RAB3C: variants seen among roughly 807,000 people sequenced by gnomAD.
The protein encoded by RAB3C is RAB3C, member RAS oncogene family, also known as ras-related protein Rab-3C.
RAB3C carries 17 observed loss-of-function variants against 26.4 expected under a neutral mutation model. The observed-to-expected ratio is 0.64, with a 90% confidence interval of 0.44 to 0.97. RAB3C has a LOEUF of 0.97. Among genes scored for constraint, RAB3C ranks in the 50% least tolerant of loss-of-function variants. The pLI is 0.00. For synonymous variants in RAB3C, 91 were observed against 95.9 expected, an observed-to-expected ratio of 0.95 and a Z score of 0.30; for missense variants, 242 against 281.9, an observed-to-expected ratio of 0.86 and a Z score of 1.01.
intron 4 of RAB3C, among the ~76,000 whole-genome samples, chr5:58,843,754 G>C (rs538148543): frequency 6.6e-6 from 1 of 152,094 alleles, no homozygotes; most frequent in Non-Finnish European, 1.5e-5. Context: ...ACGATATTTT[G>C]TGAAATTCCA....
intron 2 of RAB3C, among the ~76,000 whole-genome samples, chr5:58,625,999 G>A (rs972328668): frequency 3.9e-5 from 6 of 152,036 alleles, no homozygotes; most frequent in Admixed American, 1.3e-4. Context: ...CTTCTAATAT[G>A]TGCTGCACAT....
intron 1 of RAB3C, among the ~76,000 whole-genome samples, chr5:58,594,974 G>A (rs1211582547): frequency 6.6e-6 from 1 of 151,342 alleles, no homozygotes; most frequent in Non-Finnish European, 1.5e-5. Flanking sequence ...TTCTCCTCAG[G>A]AAGAGGTATT....
chr5:58,696,496 G>T (rs1748703374), intron 2 of RAB3C, among the ~76,000 whole-genome samples: 1 of 152,212 alleles, frequency 6.6e-6, no homozygotes, highest in African/African-American at 2.4e-5. Flanking sequence ...AGAAGGAATA[G>T]TACCAGCTCT....
At chr5:58,794,623 T>C (rs2112018421) in intron 3 of RAB3C, 1 of 152,300 alleles carries the variant, frequency 6.6e-6, no homozygotes, top group Middle Eastern at 3.4e-3. Context: ...GAATCACTGT[T>C]TTTAATTATT....
rs148325764 is a variant in RAB3C, at chr5:58,753,815, G to A, written c.371+27695G>A. 1.1e-3 allele frequency among the ~76,000 whole-genome samples: 163 copies of A among 152,284 alleles called. 2 individuals are homozygous for A. In the East Asian group the frequency reaches 0.023, roughly 21 times the overall value. ...ATGAAATGGCTGTCTCAGGGCAGACGGGACAGTTGTATACAAGGAGACCTG... is the reference window on the plus strand; with the variant it reads ...ATGAAATGGCTGTCTCAGGGCAGACAGGACAGTTGTATACAAGGAGACCTG... On this transcript the variant is annotated intron_variant, in intron 3 of 4. Transcript: ENST00000282878.
chr5:58,639,255 T>G (rs975569061), intron 2 of RAB3C, among the ~76,000 whole-genome samples: 14 of 152,250 alleles, frequency 9.2e-5, no homozygotes, highest in Non-Finnish European at 1.8e-4. Flanking sequence ...ACCTTGATTT[T>G]TTTTAAAGAT....
intron 2 of RAB3C, among the ~76,000 whole-genome samples, chr5:58,662,410 G>T (rs1747923538): frequency 6.7e-6 from 1 of 149,856 alleles, no homozygotes; most frequent in South Asian, 2.1e-4. Context: ...TTCTTCCTCT[G>T]GTGAGAAGGA....
intron 1 of RAB3C, chr5:58,583,452 C>A: frequency 1.6e-6 from 1 of 615,488 alleles, no homozygotes; most frequent in Non-Finnish European, 2.0e-6. Flanking sequence ...CGCAATCTTT[C>A]TAGGCTCTGT....
intron 3 of RAB3C, among the ~76,000 whole-genome samples, chr5:58,758,155 A>G (rs1741716361): frequency 6.6e-6 from 1 of 152,056 alleles, no homozygotes; most frequent in African/African-American, 2.4e-5. Flanking sequence ...TGTGTTAGTC[A>G]GGATGGTCTT....
intron 2 of RAB3C, among the ~76,000 whole-genome samples, chr5:58,651,221 T>C (rs1428559419): frequency 6.6e-6 from 1 of 152,238 alleles, no homozygotes; most frequent in African/African-American, 2.4e-5. Context: ...AATGCTGATC[T>C]GCACTAGCTG....
chr5:58,775,765 T>A (rs1742118897), intron 3 of RAB3C, among the ~76,000 whole-genome samples: 1 of 152,092 alleles, frequency 6.6e-6, no homozygotes, highest in African/African-American at 2.4e-5. Flanking sequence ...AGACCACCAG[T>A]TTTCAAATCC....
chr5:58,772,908 C>T (rs1227765934), intron 3 of RAB3C, among the ~76,000 whole-genome samples: 1 of 152,074 alleles, frequency 6.6e-6, no homozygotes, highest in Non-Finnish European at 1.5e-5. Context: ...TTCACAGGAC[C>T]ATGAAGCCAA....
chr5:58,718,857 T>A (rs293026), intron 2 of RAB3C, among the ~76,000 whole-genome samples: 1 of 151,484 alleles, frequency 6.6e-6, no homozygotes, highest in South Asian at 2.1e-4. Context: ...GAGGATTAAC[T>A]GCTCTAGGGA....
chr5:58,724,740 A>G (rs899369706), intron 2 of RAB3C, among the ~76,000 whole-genome samples: 2 of 151,804 alleles, frequency 1.3e-5, no homozygotes, highest in Non-Finnish European at 2.9e-5. Context: ...ATTAGGACAT[A>G]AAAGTGGTTT....
chr5:58,619,180 G>A (rs1277115607), intron 2 of RAB3C, among the ~76,000 whole-genome samples: 1 of 152,128 alleles, frequency 6.6e-6, no homozygotes, highest in Non-Finnish European at 1.5e-5. Context: ...TAACTCTAGA[G>A]TCTTTCAAAT....
intron 2 of RAB3C, among the ~76,000 whole-genome samples, chr5:58,654,211 A>G (rs563966814): frequency 4.7e-4 from 72 of 152,268 alleles, no homozygotes; most frequent in South Asian, 2.3e-3. Flanking sequence ...ACTATAATAT[A>G]TCATGTAGGT....
intron 3 of RAB3C, among the ~76,000 whole-genome samples, chr5:58,760,467 T>C (rs1741774574): frequency 6.6e-6 from 1 of 152,188 alleles, no homozygotes; most frequent in Admixed American, 6.5e-5. Context: ...AGCCCATCTA[T>C]GTAAAGGACT....
At chr5:58,826,478 T>G (rs984942371) in intron 4 of RAB3C, among the ~76,000 whole-genome samples, 2 of 152,194 alleles carry the variant, frequency 1.3e-5, no homozygotes, top group African/African-American at 4.8e-5. Flanking sequence ...TGGAATTCTT[T>G]TTGTTTTTTG....
chr5:58,744,747 G>T (rs1453674841), intron 3 of RAB3C, among the ~76,000 whole-genome samples: 4 of 152,074 alleles, frequency 2.6e-5, no homozygotes, highest in Admixed American at 6.5e-5. Flanking sequence ...AGCATACAAG[G>T]TTCTGTTATG....
Sources: allele counts gnomAD v4.1 joint callset (sites outside exome capture counted in the v4.1 genomes callset), GRCh38; gene constraint gnomAD v4.1.1; transcripts MANE v1.5; gene names NCBI Gene and HGNC (gene_info 2026-07-23, HGNC 2026-07-21).